SYT1: variants seen among roughly 807,000 people sequenced by gnomAD.
SYT1 encodes synaptotagmin-1.
SYT1 carries 8 observed loss-of-function variants against 44.8 expected under a neutral mutation model. That is an observed-to-expected ratio of 0.18 (90% CI 0.10 to 0.32). The LOEUF (loss-of-function observed/expected upper bound fraction) is 0.32, where lower values mean the gene tolerates loss of function less well. Among genes scored for constraint, SYT1 ranks in the 10% least tolerant of loss-of-function variants. The pLI, the probability that SYT1 is intolerant of heterozygous loss-of-function variation, is 1.00. For synonymous variants in SYT1, 154 were observed against 188.8 expected (o/e 0.82, Z 1.51); for missense variants, 286 against 509.3 (o/e 0.56, Z 4.22).
At chr12:79,366,386 A>G (rs1035307085) in intron 9 of SYT1, among the ~76,000 whole-genome samples, 2 of 152,274 alleles carry the variant, frequency 1.3e-5, no homozygotes, top group Non-Finnish European at 2.9e-5. Context: ...ATTAAAATAT[A>G]AAAACCTTAA....
intron 4 of SYT1, among the ~76,000 whole-genome samples, chr12:79,278,052 A>G (rs1878833465): frequency 6.6e-6 from 1 of 152,124 alleles, no homozygotes; most frequent in African/African-American, 2.4e-5. Flanking sequence ...ATAGACAGCA[A>G]TACAGTAATA....
At chr12:78,892,566 T>G (rs560324492) in intron 1 of SYT1, among the ~76,000 whole-genome samples, 1 of 151,844 alleles carries the variant, frequency 6.6e-6, no homozygotes, top group East Asian at 1.9e-4. Flanking sequence ...CCGATCAAAT[T>G]TTAAATTTTG....
intron 8 of SYT1, among the ~76,000 whole-genome samples, chr12:79,308,428 G>GCCAAAGAATCGCTTGAAC (rs372748357): frequency 0.01 from 1,590 of 152,048 alleles, 30 homozygotes; most frequent in African/African-American, 0.036. Context: ...GGAGGCTGAA[G>GCCAAAGAATCGCTTGAAC]CCAGGAGGCG....
chr12:79,179,029 TATATAG>T (rs1202280753), intron 3 of SYT1, among the ~76,000 whole-genome samples: 423 of 16,812 alleles, frequency 0.025, 47 homozygotes, highest in African/African-American at 0.11. Flanking sequence ...TAGATATAGA[TATATAG>T]ATATAGATAT....
At chr12:79,086,329 G>A (rs1278088036) in intron 3 of SYT1, among the ~76,000 whole-genome samples, 2 of 151,980 alleles carry the variant, frequency 1.3e-5, no homozygotes, top group African/African-American at 4.8e-5. Flanking sequence ...CTACTTTCCT[G>A]TCAAGATATC....
intron 4 of SYT1, among the ~76,000 whole-genome samples, chr12:79,284,654 G>A (rs1266286050): frequency 1.3e-5 from 2 of 151,974 alleles, no homozygotes; most frequent in East Asian, 3.9e-4. Context: ...TGGCCAACAT[G>A]GTGAAACCCC....
chr12:79,039,994 T>C (rs1471871937), intron 2 of SYT1, among the ~76,000 whole-genome samples: 5 of 150,114 alleles, frequency 3.3e-5, no homozygotes, highest in Admixed American at 3.3e-4. Context: ...GGTGTATATG[T>C]GCCACATTTT....
At chr12:79,152,805 A>C (rs1360240028) in intron 3 of SYT1, among the ~76,000 whole-genome samples, 1 of 151,740 alleles carries the variant, frequency 6.6e-6, no homozygotes, top group African/African-American at 2.4e-5. Context: ...GCTAGGAGCA[A>C]AGCTTTCATT....
chr12:79,072,025 T>C (rs1484973634), intron 3 of SYT1, among the ~76,000 whole-genome samples: 2 of 149,698 alleles, frequency 1.3e-5, no homozygotes, highest in African/African-American at 5.1e-5. Flanking sequence ...AATTAAAACA[T>C]CAGAGAATAA....
intron 9 of SYT1, among the ~76,000 whole-genome samples, chr12:79,385,726 A>ATTGTTGTTG (rs10632647): frequency 6.6e-6 from 1 of 150,958 alleles, no homozygotes; most frequent in Non-Finnish European, 1.5e-5. Context: ...ACAATTACCC[A>ATTGTTGTTG]TTGTTGTTGT....
chr12:78,909,257 T>A (rs893368729), intron 1 of SYT1, among the ~76,000 whole-genome samples: 2 of 152,006 alleles, frequency 1.3e-5, no homozygotes, highest in African/African-American at 4.8e-5. Flanking sequence ...AATTAAAGTA[T>A]GCTATGATTT....
chr12:79,437,365 A>G (rs560812377), intron 9 of SYT1, among the ~76,000 whole-genome samples: 2 of 152,168 alleles, frequency 1.3e-5, no homozygotes, highest in Non-Finnish European at 2.9e-5. Context: ...ATCACCAGAG[A>G]AACAACGTGA....
At chr12:79,437,058 G>A (rs1435319628) in intron 9 of SYT1, among the ~76,000 whole-genome samples, 2 of 152,112 alleles carry the variant, frequency 1.3e-5, no homozygotes, top group African/African-American at 4.8e-5. Flanking sequence ...TCAGGGTGAA[G>A]GACGGCCAGT....
intron 8 of SYT1, among the ~76,000 whole-genome samples, chr12:79,344,430 A>G (rs1422042643): frequency 6.6e-6 from 1 of 152,048 alleles, no homozygotes; most frequent in Admixed American, 6.6e-5. Flanking sequence ...CCACCACTCT[A>G]TACTGTACTT....
chr12:79,207,182 G>C (rs1874174992), intron 3 of SYT1, among the ~76,000 whole-genome samples: 1 of 152,040 alleles, frequency 6.6e-6, no homozygotes. Flanking sequence ...ATGCTGTAGG[G>C]GGTGGTCACA....
At chr12:78,938,469 A>G (rs1878182028) in intron 1 of SYT1, among the ~76,000 whole-genome samples, 1 of 152,206 alleles carries the variant, frequency 6.6e-6, no homozygotes, top group Non-Finnish European at 1.5e-5. Flanking sequence ...TTTCACTGCT[A>G]TTATATTGCC....
chr12:79,179,141 G>GATATATCT lies in SYT1; in HGVS notation c.-17-38357_-17-38356insTCTATATA, dbSNP rs1470109054. Among the ~76,000 whole-genome samples, 6 of 115,848 alleles carry GATATATCT rather than the reference G, an allele frequency of 5.2e-5. 1 individual carries two copies. Among genetic ancestry groups the GATATATCT allele is most frequent in the African/African-American group, 1.4e-4 (4 of 27,698 alleles). The allele number at this position is 115,848 out of a possible 152,430, so 76.0% of individuals were successfully genotyped here. On this transcript the variant is annotated intron_variant, in intron 3 of 10. Transcript: ENST00000261205. Reference sequence around the variant, plus strand: ...ATATAGATATAGATATATAGATATAGATATAGATATATAGATATATAGATA... The same window carrying GATATATCT: ...ATATAGATATAGATATATAGATATAGATATATCTATATAGATATATAGATATATAGATA...
chr12:78,933,652 G>A (rs1012139610), intron 1 of SYT1, among the ~76,000 whole-genome samples: 8 of 152,076 alleles, frequency 5.3e-5, no homozygotes, highest in Non-Finnish European at 1.2e-4. Context: ...TATGTCAGGT[G>A]CACTCAACTT....
intron 3 of SYT1, among the ~76,000 whole-genome samples, chr12:79,055,072 A>G (rs557070564): frequency 1.3e-5 from 2 of 152,042 alleles, no homozygotes; most frequent in Non-Finnish European, 2.9e-5. Context: ...CTTATTAACT[A>G]TGGGATGTAG....
Sources: gnomAD v4.1 joint callset for allele counts (sites outside exome capture counted in the v4.1 genomes callset) on GRCh38, gnomAD v4.1.1 for gene constraint, MANE v1.5 for transcripts, NCBI Gene and HGNC (gene_info 2026-07-23, HGNC 2026-07-21) for gene names.